The following CNTNAP2 variants were observed in gnomAD, a reference collection of about 807,000 sequenced individuals.
CNTNAP2 encodes contactin associated protein 2.
Under a neutral mutation model 155.2 loss-of-function variants are expected in CNTNAP2, and 98 were observed. The observed-to-expected ratio is 0.63, with a 90% confidence interval of 0.54 to 0.75. The LOEUF (loss-of-function observed/expected upper bound fraction) is 0.75, where lower values mean the gene tolerates loss of function less well. Among genes scored for constraint, CNTNAP2 ranks in the 30% least tolerant of loss-of-function variants. The probability of loss-of-function intolerance (pLI) is 0.00; values close to 1 mark genes in which losing one functional copy is unlikely to be tolerated. For synonymous variants in CNTNAP2, 651 were observed against 631.2 expected, an observed-to-expected ratio of 1.03 and a Z score of -0.47; for missense variants, 1,727 against 1,688.1, an observed-to-expected ratio of 1.02 and a Z score of -0.40.
rs56287346 is a variant in CNTNAP2, at chr7:146,322,634, C to CTTTTTTTTTTTTTTTTTTTTTTTTT, written c.97+205679_97+205680insTTTTTTTTTTTTTTTTTTTTTTTTT. 1.8e-4 allele frequency among the ~76,000 whole-genome samples: 12 copies of CTTTTTTTTTTTTTTTTTTTTTTTTT among 64,958 alleles called. 2 individuals carry two copies. Among genetic ancestry groups the CTTTTTTTTTTTTTTTTTTTTTTTTT allele is most frequent in the Admixed American group, 5.4e-4 (2 of 3,696 alleles). The allele number at this position is 64,958 out of a possible 152,430, so 42.6% of individuals were successfully genotyped here. A position where few individuals can be genotyped will look rare whatever the true frequency, so the allele number is the denominator to read the frequency against. ...AAGAGGAGACTGTTGTGTTCATTCT[C>CTTTTTTTTTTTTTTTTTTTTTTTTT]TTTTTTTTTTTTTTTTTTGCTGGCT... On this transcript the variant is annotated intron_variant, in intron 1 of 23. Coordinates refer to ENST00000361727, the MANE Select transcript of CNTNAP2 (RefSeq NM_014141.6).
At chr7:147,272,955 A>G (rs4637733) in intron 8 of CNTNAP2, among the ~76,000 whole-genome samples, 119,326 of 152,130 alleles carry the variant, frequency 0.78, 47,542 homozygotes, top group African/African-American at 0.94. Context: ...TGATATGTGA[A>G]TTGTAGGCCT....
intron 1 of CNTNAP2, among the ~76,000 whole-genome samples, chr7:146,144,904 G>A (rs1183849081): frequency 6.6e-6 from 1 of 152,112 alleles, no homozygotes; most frequent in Non-Finnish European, 1.5e-5. Context: ...GAATGGAAGG[G>A]CTTAGGTATA....
chr7:146,190,718 G>T (rs1439640011), intron 1 of CNTNAP2, among the ~76,000 whole-genome samples: 1 of 152,074 alleles, frequency 6.6e-6, no homozygotes, highest in African/African-American at 2.4e-5. Flanking sequence ...AGTTCAAGAG[G>T]TATACATGAA....
chr7:148,384,312 A>G (rs1799141359), intron 22 of CNTNAP2, among the ~76,000 whole-genome samples: 1 of 152,220 alleles, frequency 6.6e-6, no homozygotes, highest in Non-Finnish European at 1.5e-5. Flanking sequence ...CTGTATTTAT[A>G]TGAATAATAC....
intron 12 of CNTNAP2, among the ~76,000 whole-genome samples, chr7:147,602,566 G>A (rs1800971754): frequency 6.6e-6 from 1 of 150,592 alleles, no homozygotes; most frequent in Non-Finnish European, 1.5e-5. Flanking sequence ...GTATACATGT[G>A]CCATGCTGGT....
rs377455875 is a variant in CNTNAP2, at chr7:146,470,065, T to C, written c.98-304206T>C. ...CGTGTTAGCCAGGATGGTCTCGATCTCCTGACCTCGTGATCTGCCCGTCTC... is the reference window on the plus strand; with the variant it reads ...CGTGTTAGCCAGGATGGTCTCGATCCCCTGACCTCGTGATCTGCCCGTCTC... On this transcript the variant is annotated intron_variant, in intron 1 of 23. Transcript: ENST00000361727. Among the ~76,000 whole-genome samples the C allele has an allele frequency of 1.0e-4, 15 of 150,148 alleles. No individual in the cohort carries two copies. In the East Asian group the frequency reaches 2.4e-3, roughly 24 times the overall value.
intron 22 of CNTNAP2, among the ~76,000 whole-genome samples, chr7:148,407,430 A>G (rs939127368): frequency 6.6e-6 from 1 of 152,162 alleles, no homozygotes; most frequent in Non-Finnish European, 1.5e-5. Context: ...TTGGCCGGGC[A>G]TGGTGGCTCA....
At chr7:148,331,028 G>A (rs1797992031) in intron 21 of CNTNAP2, among the ~76,000 whole-genome samples, 2 of 150,858 alleles carry the variant, frequency 1.3e-5, no homozygotes, top group Admixed American at 6.6e-5. Context: ...CAGATGGATG[G>A]AGTGGATGGA....
At chr7:147,301,656 A>G (rs1200885150) in intron 9 of CNTNAP2, among the ~76,000 whole-genome samples, 1 of 147,482 alleles carries the variant, frequency 6.8e-6, no homozygotes, top group East Asian at 2.0e-4. Flanking sequence ...TCTAGTTTTT[A>G]GAGTAAGGTG....
chr7:146,445,981 A>G (rs935856345), intron 1 of CNTNAP2, among the ~76,000 whole-genome samples: 137 of 152,290 alleles, frequency 9.0e-4, no homozygotes, highest in African/African-American at 3.2e-3. Flanking sequence ...AATCTTGGTA[A>G]AGTGACTAAG....
At chr7:147,773,827 C>A (rs987563144) in intron 13 of CNTNAP2, among the ~76,000 whole-genome samples, 7 of 152,000 alleles carry the variant, frequency 4.6e-5, no homozygotes, top group African/African-American at 1.7e-4. Context: ...CCATTACACT[C>A]AGAGTAATAA....
At chr7:147,873,427 G>T (rs1232474746) in intron 13 of CNTNAP2, among the ~76,000 whole-genome samples, 2 of 152,158 alleles carry the variant, frequency 1.3e-5, no homozygotes, top group African/African-American at 4.8e-5. Flanking sequence ...AAGGGCAAAG[G>T]CATGTCTTAC....
intron 2 of CNTNAP2, among the ~76,000 whole-genome samples, chr7:146,804,050 G>A (rs1368823352): frequency 1.3e-5 from 2 of 151,936 alleles, no homozygotes; most frequent in African/African-American, 4.8e-5. Flanking sequence ...AGTTTTCCCC[G>A]AGATAAATCC....
intron 8 of CNTNAP2, among the ~76,000 whole-genome samples, chr7:147,285,489 A>G (rs569873807): frequency 6.6e-6 from 1 of 152,098 alleles, no homozygotes; most frequent in African/African-American, 2.4e-5. Context: ...TTTTCATTTT[A>G]AGCTTTTGTT....
At chr7:147,582,042 T>G (rs1322115434) in intron 12 of CNTNAP2, among the ~76,000 whole-genome samples, 1 of 152,158 alleles carries the variant, frequency 6.6e-6, no homozygotes, top group Non-Finnish European at 1.5e-5. Context: ...ACTTAGTTTA[T>G]TGAAGTTCTT....
chr7:147,699,727 A>G (rs1796209542), intron 13 of CNTNAP2, among the ~76,000 whole-genome samples: 1 of 152,154 alleles, frequency 6.6e-6, no homozygotes, highest in Non-Finnish European at 1.5e-5. Context: ...AAAATGAACA[A>G]TTCTGGGGCA....
intron 12 of CNTNAP2, among the ~76,000 whole-genome samples, chr7:147,601,004 T>C (rs146533309): frequency 1.3e-5 from 2 of 152,308 alleles, no homozygotes; most frequent in African/African-American, 4.8e-5. Flanking sequence ...TGAACATTAT[T>C]AGAAATGTAG....
Position 146,246,725 on chromosome 7 carries a change from C to T in CNTNAP2, c.97+129752C>T, listed in dbSNP as rs182097606. 5.0e-3 allele frequency among the ~76,000 whole-genome samples: 766 copies of T among 152,170 alleles called. 5 individuals are homozygous for T. The highest frequency in any genetic ancestry group is 8.2e-3 in the Non-Finnish European group (556 of 68,014). ...GTTCCAGGGGCTCTGGGAGTGGCTG[C>T]CAGGTGAGTTGGACAGTCCGATTTC... On this transcript the variant is annotated intron_variant, in intron 1 of 23. Coordinates refer to ENST00000361727, the MANE Select transcript of CNTNAP2 (RefSeq NM_014141.6).
intron 14 of CNTNAP2, among the ~76,000 whole-genome samples, chr7:147,943,766 C>CAAAAAA (rs144842680): frequency 8.5e-4 from 34 of 40,168 alleles, no homozygotes; most frequent in South Asian, 4.2e-3. Flanking sequence ...GACCCCGTCT[C>CAAAAAA]AAAAAAAAAA....
Sources: allele counts gnomAD v4.1 joint callset (sites outside exome capture counted in the v4.1 genomes callset), GRCh38; gene constraint gnomAD v4.1.1; transcripts MANE v1.5; gene names NCBI Gene and HGNC (gene_info 2026-07-23, HGNC 2026-07-21).